CNTN4: variants seen among roughly 807,000 people sequenced by gnomAD.
The protein encoded by CNTN4 is contactin 4, also known as contactin-4.
In CNTN4, 77 loss-of-function variants were observed where a neutral mutation model predicts 122.5. The observed-to-expected ratio is 0.63, with a 90% CI of 0.52 to 0.76. The LOEUF (loss-of-function observed/expected upper bound fraction) is 0.76, where lower values mean the gene tolerates loss of function less well. Among genes scored for constraint, CNTN4 ranks in the 30% least tolerant of loss-of-function variants. The probability of loss-of-function intolerance (pLI) is 0.00; values close to 1 mark genes in which losing one functional copy is unlikely to be tolerated. For missense variants in CNTN4, 1,256 were observed against 1,259.1 expected (o/e 1.00, Z 0.04); for synonymous variants, 512 against 447.0 (o/e 1.15, Z -1.83).
intron 4 of CNTN4, among the ~76,000 whole-genome samples, chr3:2,691,782 G>C (rs541544812): frequency 1.3e-5 from 2 of 152,236 alleles, no homozygotes; most frequent in East Asian, 3.9e-4. Flanking sequence ...TCTTGGTGCT[G>C]CAAAAATGTG....
At chr3:2,389,923 A>G (rs2046383338) in intron 3 of CNTN4, among the ~76,000 whole-genome samples, 1 of 152,228 alleles carries the variant, frequency 6.6e-6, no homozygotes, top group Non-Finnish European at 1.5e-5. Context: ...TCAAGAACAT[A>G]AAAGATAAAG....
intron 7 of CNTN4, among the ~76,000 whole-genome samples, chr3:2,847,306 C>T (rs2093472487): frequency 6.6e-6 from 1 of 152,022 alleles, no homozygotes; most frequent in South Asian, 2.1e-4. Flanking sequence ...TCACCCCTTG[C>T]TCATCAGATC....
intron 2 of CNTN4, among the ~76,000 whole-genome samples, chr3:2,199,895 T>G (rs1331875718): frequency 6.6e-6 from 1 of 152,030 alleles, no homozygotes; most frequent in Non-Finnish European, 1.5e-5. Flanking sequence ...GTGTAGAGAC[T>G]CCAAAGTGGC....
intron 7 of CNTN4, among the ~76,000 whole-genome samples, chr3:2,820,329 G>A (rs932889771): frequency 1.5e-4 from 23 of 152,238 alleles, no homozygotes; most frequent in South Asian, 6.2e-4. Context: ...TAAAGGATAC[G>A]TATGAACAGC....
At chr3:2,133,240 C>T (rs2034533334) in intron 2 of CNTN4, among the ~76,000 whole-genome samples, 1 of 152,128 alleles carries the variant, frequency 6.6e-6, no homozygotes, top group South Asian at 2.1e-4. Context: ...GATAAAGTGA[C>T]CTGGACTATC....
At chr3:2,786,978 C>T (rs192623402) in intron 6 of CNTN4, among the ~76,000 whole-genome samples, 1 of 152,098 alleles carries the variant, frequency 6.6e-6, no homozygotes, top group Non-Finnish European at 1.5e-5. Context: ...TTTCTTGGCA[C>T]TCATTCATGC....
At chr3:2,556,051 T>C (rs1358841848) in intron 3 of CNTN4, among the ~76,000 whole-genome samples, 1 of 152,182 alleles carries the variant, frequency 6.6e-6, no homozygotes, top group Non-Finnish European at 1.5e-5. Context: ...ACCATCTGTT[T>C]GCTAGTGTAA....
chr3:2,664,406 C>T (rs975159396), intron 4 of CNTN4, among the ~76,000 whole-genome samples: 4 of 143,438 alleles, frequency 2.8e-5, no homozygotes, highest in Non-Finnish European at 4.5e-5. Flanking sequence ...TTTAGATCAT[C>T]ACCTATATTT....
chr3:2,472,861 T>G (rs1015996477), intron 3 of CNTN4, among the ~76,000 whole-genome samples: 4 of 152,200 alleles, frequency 2.6e-5, no homozygotes, highest in African/African-American at 9.7e-5. Context: ...TTCTTTCAGC[T>G]TCTCCTGATT....
At chr3:2,551,878 G>A (rs1251013479) in intron 3 of CNTN4, among the ~76,000 whole-genome samples, 3 of 151,972 alleles carry the variant, frequency 2.0e-5, no homozygotes, top group Non-Finnish European at 2.9e-5. Flanking sequence ...TTCATTTACA[G>A]CCTAAATATT....
intron 6 of CNTN4, among the ~76,000 whole-genome samples, chr3:2,762,074 G>T (rs554476374): frequency 5.9e-5 from 9 of 152,318 alleles, no homozygotes; most frequent in African/African-American, 1.9e-4. Flanking sequence ...ATCCAGTAGG[G>T]AAGACAGACA....
chr3:2,174,826 G>C (rs2036679012), intron 2 of CNTN4, among the ~76,000 whole-genome samples: 1 of 152,144 alleles, frequency 6.6e-6, no homozygotes, highest in South Asian at 2.1e-4. Flanking sequence ...CAAAGCAGGA[G>C]CGGGCACATC....
chr3:2,280,848 G>T (rs2041688289), intron 2 of CNTN4, among the ~76,000 whole-genome samples: 6 of 152,266 alleles, frequency 3.9e-5, no homozygotes, highest in Admixed American at 6.5e-5. Flanking sequence ...TTATGAGAAT[G>T]ACACACATGG....
At chr3:2,519,988 C>T (rs962541564) in intron 3 of CNTN4, among the ~76,000 whole-genome samples, 1 of 151,954 alleles carries the variant, frequency 6.6e-6, no homozygotes. Flanking sequence ...GTAAGGATTC[C>T]TACAAGGCTT....
Position 3,057,874 on chromosome 3 carries a change from C to A in CNTN4, c.*1654C>A, listed in dbSNP as rs552823610. The A allele has an allele frequency of 6.6e-6, 1 of 152,426 alleles. No homozygotes were observed. The highest frequency in any genetic ancestry group is 2.4e-5 in the African/African-American group (1 of 41,382). 9.4% of individuals were successfully genotyped at this position (152,426 alleles called of 1,614,324 possible). ...AAAATGACACCCAGGGAGTTCCCAA[C>A]CCCAGTGTAAATGATATTTACCAGT... On this transcript the variant is annotated 3_prime_UTR_variant, in exon 25 of 25. Coordinates refer to ENST00000418658, the MANE Select transcript of CNTN4 (RefSeq NM_175607.3).
At chr3:2,164,312 C>T (rs1451511591) in intron 2 of CNTN4, among the ~76,000 whole-genome samples, 1 of 151,558 alleles carries the variant, frequency 6.6e-6, no homozygotes, top group Admixed American at 6.6e-5. Context: ...AATTAATTAA[C>T]TGGAAGGCTG....
intron 2 of CNTN4, among the ~76,000 whole-genome samples, chr3:2,131,939 A>G (rs567926267): frequency 5.3e-5 from 8 of 152,284 alleles, no homozygotes; most frequent in South Asian, 2.1e-4. Context: ...AGATAGCCCA[A>G]AGAGCTTCTG....
chr3:2,722,375 C>T lies in CNTN4; in HGVS notation c.56-13840C>T, dbSNP rs554804707. Among the ~76,000 whole-genome samples the T allele has an allele frequency of 3.3e-5, 5 of 152,220 alleles. No homozygotes were observed. The East Asian group carries it at 9.7e-4, about 29-fold the overall frequency. On this transcript the variant is annotated intron_variant, in intron 4 of 24. Transcript: ENST00000418658. ...GTTGAATGAATGAAAGATGTTAATC[C>T]ATTATCCCCTGTCAGTTACTTCTTA...
chr3:2,697,107 T>G (rs939580478), intron 4 of CNTN4, among the ~76,000 whole-genome samples: 1 of 152,194 alleles, frequency 6.6e-6, no homozygotes, highest in Admixed American at 6.5e-5. Context: ...GTGACAAATT[T>G]AGAATTCACA....
Sources: allele counts gnomAD v4.1 joint callset (sites outside exome capture counted in the v4.1 genomes callset), GRCh38; gene constraint gnomAD v4.1.1; transcripts MANE v1.5; gene names NCBI Gene and HGNC (gene_info 2026-07-23, HGNC 2026-07-21).